SHROOM4: variants seen among roughly 807,000 people sequenced by gnomAD.
SHROOM4 encodes protein Shroom4.
In SHROOM4, 17 loss-of-function variants were observed where a neutral mutation model predicts 80.3. The observed-to-expected ratio is 0.21, with a 90% CI of 0.14 to 0.32. The LOEUF (loss-of-function observed/expected upper bound fraction) is 0.32, where lower values mean the gene tolerates loss of function less well. Among genes scored for constraint, SHROOM4 ranks in the 10% least tolerant of loss-of-function variants. SHROOM4 has a pLI of 1.00. For missense variants in SHROOM4, 993 were observed against 1,140.3 expected (o/e 0.87, Z 1.86); for synonymous variants, 400 against 437.5 (o/e 0.91, Z 1.07).
chrX:50,801,398 A>T lies in SHROOM4; in HGVS notation c.117+12504T>A, dbSNP rs1249777923. Among the ~76,000 whole-genome samples, 9 of 110,784 alleles carry T rather than the reference A, an allele frequency of 8.1e-5. No individual in the cohort carries two copies. In the Admixed American group the frequency reaches 8.7e-4, roughly 11 times the overall value. ...TTAGACTAAAGTTCAGCCTTAAATT[A>T]GGGCTCCAAGCTAGGGGATGGGAGA... On this transcript the variant is annotated intron_variant, in intron 1 of 8. Transcript: ENST00000376020.
At chrX:50,669,730 T>A (rs1412498289) in intron 2 of SHROOM4, among the ~76,000 whole-genome samples, 1 of 112,400 alleles carries the variant, frequency 8.9e-6, no homozygotes, top group African/African-American at 3.2e-5. Context: ...AGGAGTAGAT[T>A]CCATCTCAAG....
intron 1 of SHROOM4, among the ~76,000 whole-genome samples, chrX:50,758,577 C>T (rs1557268599): frequency 8.9e-6 from 1 of 111,770 alleles, no homozygotes; most frequent in East Asian, 2.8e-4. Flanking sequence ...TTGGTCATGG[C>T]GTATAATTAT....
intron 1 of SHROOM4, among the ~76,000 whole-genome samples, chrX:50,704,181 C>G (rs1204710927): frequency 9.0e-6 from 1 of 111,703 alleles, no homozygotes; most frequent in African/African-American, 3.3e-5. Flanking sequence ...GACCAACAGT[C>G]TTTTACCTAC....
chrX:50,803,147 G>A (rs887702376), intron 1 of SHROOM4, among the ~76,000 whole-genome samples: 3 of 111,885 alleles, frequency 2.7e-5, no homozygotes, highest in African/African-American at 6.5e-5. Flanking sequence ...CCGAGATCAC[G>A]CCACTGCACT....
chrX:50,708,019 T>C (rs1470337051), intron 1 of SHROOM4, among the ~76,000 whole-genome samples: 4 of 111,711 alleles, frequency 3.6e-5, no homozygotes, highest in Admixed American at 2.8e-4. Flanking sequence ...CAAAGGCAGG[T>C]AGCCTGCCTG....
chrX:50,660,665 G>C (rs1025500523), intron 2 of SHROOM4, among the ~76,000 whole-genome samples: 9 of 102,725 alleles, frequency 8.8e-5, no homozygotes, highest in Non-Finnish European at 1.8e-4. Flanking sequence ...GCCCAGGCTG[G>C]AGTGCAGGGG....
At chrX:50,795,044 T>TC (rs1935938799) in intron 1 of SHROOM4, among the ~76,000 whole-genome samples, 1 of 4,000 alleles carries the variant, frequency 2.5e-4, no homozygotes, top group Non-Finnish European at 5.6e-3. Context: ...ATATCTCATA[T>TC]ATATATGATA....
intron 1 of SHROOM4, among the ~76,000 whole-genome samples, chrX:50,787,236 A>C (rs1294040403): frequency 1.8e-5 from 2 of 110,272 alleles, no homozygotes; most frequent in Admixed American, 9.7e-5. Context: ...AAAAAAAAAA[A>C]AACAGAAATC....
At chrX:50,659,175 T>C (rs561271613) in intron 2 of SHROOM4, among the ~76,000 whole-genome samples, 2 of 111,639 alleles carry the variant, frequency 1.8e-5, no homozygotes, top group African/African-American at 3.3e-5. Context: ...TGGTGAACAG[T>C]AAGGCCAGAC....
At chrX:50,673,936 C>G (rs1254216172) in intron 2 of SHROOM4, among the ~76,000 whole-genome samples, 1 of 107,742 alleles carries the variant, frequency 9.3e-6, no homozygotes. Flanking sequence ...ATACCAAAAG[C>G]AATCACATTT....
intron 5 of SHROOM4, among the ~76,000 whole-genome samples, chrX:50,613,275 G>T (rs1158945929): frequency 1.8e-5 from 2 of 110,819 alleles, no homozygotes; most frequent in Non-Finnish European, 3.8e-5. Flanking sequence ...CACCATACCC[G>T]GCTAATTTTT....
intron 1 of SHROOM4, among the ~76,000 whole-genome samples, chrX:50,724,116 C>T (rs1934193045): frequency 9.0e-6 from 1 of 110,923 alleles, no homozygotes; most frequent in Admixed American, 9.7e-5. Context: ...CCTTACCCCG[C>T]TCAACGCCAA....
At chrX:50,670,986 A>G (rs898317198) in intron 2 of SHROOM4, among the ~76,000 whole-genome samples, 1 of 112,020 alleles carries the variant, frequency 8.9e-6, no homozygotes, top group Non-Finnish European at 1.9e-5. Context: ...TTACTCCCCA[A>G]TCTATGGGCT....
At chrX:50,653,082 T>C (rs1932171469) in intron 2 of SHROOM4, among the ~76,000 whole-genome samples, 1 of 111,802 alleles carries the variant, frequency 8.9e-6, no homozygotes, top group African/African-American at 3.3e-5. Flanking sequence ...AAATTTAAAG[T>C]ACGTTTTTCT....
Position 50,634,463 on chromosome X carries a change from G to A in SHROOM4, c.1610C>T (p.Ala537Val), listed in dbSNP as rs782223721. 7.4e-6 allele frequency: 9 copies of A among 1,211,667 alleles called. No individual in the cohort carries two copies. The South Asian group carries it at 1.4e-4, about 19-fold the overall frequency. The change falls in exon 4 of 9, where the codon GCC becomes GTC. Residue 537 changes from alanine (A) to valine (V), a missense_variant. By Grantham distance (64) the Ala-to-Val change is moderately conservative. Transcript: ENST00000376020. ...TTTAGTGGTTGAAGAACAGTCCGTGGCTTGTTGAACAAGGGAGCCAGAGGC... is the reference window on the plus strand; with the variant it reads ...TTTAGTGGTTGAAGAACAGTCCGTGACTTGTTGAACAAGGGAGCCAGAGGC... ...PSASGSLVQQ[A>V]TDCSSTTKAA...
Position 50,590,743 on chromosome X carries a change from T to C in SHROOM4, c.*5952A>G, listed in dbSNP as rs143390660. On this transcript the variant is annotated 3_prime_UTR_variant, in exon 9 of 9. Coordinates refer to ENST00000376020, the MANE Select transcript of SHROOM4 (RefSeq NM_020717.5). The stretch of plus-strand genomic sequence containing the variant: ...GTAGTATGTTATAGCAACCCAAGCA[T>C]ACTAAAACACATATTTTCTTTGAAG... Among the ~76,000 whole-genome samples, 1,398 of 112,475 alleles carry C rather than the reference T, an allele frequency of 0.012. 17 individuals carry two copies. Among genetic ancestry groups the C allele is most frequent in the African/African-American group, 0.043 (1,325 of 30,994 alleles).
rs1216237085 is a variant in SHROOM4, at chrX:50,596,062, C to T, written c.*633G>A. On this transcript the variant is annotated 3_prime_UTR_variant, in exon 9 of 9. Coordinates refer to ENST00000376020, the MANE Select transcript of SHROOM4 (RefSeq NM_020717.5). ...AGCCAGGGCTAAGAGTAGGCCTCTT[C>T]CCCTGAACTTGCTGCTGGGAAAGGT... The T allele has an allele frequency of 3.0e-6, 1 of 328,296 alleles. No homozygotes were observed. The highest frequency in any genetic ancestry group is 5.9e-6 in the Non-Finnish European group (1 of 169,786). The allele number at this position is 328,296 out of a possible 1,213,427, so 27.1% of individuals were successfully genotyped here. A position where few individuals can be genotyped will look rare whatever the true frequency, so the allele number is the denominator to read the frequency against.
At chrX:50,694,907 GA>G (rs1933329891) in intron 2 of SHROOM4, among the ~76,000 whole-genome samples, 1 of 106,714 alleles carries the variant, frequency 9.4e-6, no homozygotes, top group Non-Finnish European at 1.9e-5. Context: ...ATGCAAGATG[GA>G]AAAACTTAGG....
At chrX:50,788,481 C>T (rs1270116220) in intron 1 of SHROOM4, among the ~76,000 whole-genome samples, 1 of 110,476 alleles carries the variant, frequency 9.1e-6, no homozygotes, top group Non-Finnish European at 1.9e-5. Flanking sequence ...GTGGCGGGCG[C>T]CTGTAGCCCC....
Sources: gnomAD v4.1 joint callset for allele counts (sites outside exome capture counted in the v4.1 genomes callset) on GRCh38, gnomAD v4.1.1 for gene constraint, MANE v1.5 for transcripts, NCBI Gene and HGNC (gene_info 2026-07-23, HGNC 2026-07-21) for gene names.